Variants in ADCY2 observed in about 807,000 individuals in gnomAD.
ADCY2 encodes the protein adenylate cyclase type 2.
ADCY2 carries 31 observed loss-of-function variants against 125.2 expected under a neutral mutation model. The observed-to-expected ratio is 0.25, with a 90% CI of 0.19 to 0.33. The LOEUF (loss-of-function observed/expected upper bound fraction) is 0.33, where lower values mean the gene tolerates loss of function less well. Among genes scored for constraint, ADCY2 ranks in the 10% least tolerant of loss-of-function variants. The pLI, the probability that ADCY2 is intolerant of heterozygous loss-of-function variation, is 1.00. For synonymous variants in ADCY2, 512 were observed against 548.4 expected (o/e 0.93, Z 0.93); for missense variants, 904 against 1,418.2 (o/e 0.64, Z 5.82).
At chr5:7,671,278 G>A (rs758408422) in intron 4 of ADCY2, among the ~76,000 whole-genome samples, 1 of 152,090 alleles carries the variant, frequency 6.6e-6, no homozygotes, top group Non-Finnish European at 1.5e-5. Flanking sequence ...AAAAAGTTAA[G>A]GTATTTCCCA....
chr5:7,629,084 A>C (rs1200520869), intron 4 of ADCY2, among the ~76,000 whole-genome samples: 1 of 152,222 alleles, frequency 6.6e-6, no homozygotes, highest in Non-Finnish European at 1.5e-5. Context: ...TTCCGGAAGG[A>C]TATGTGTTGA....
intron 3 of ADCY2, among the ~76,000 whole-genome samples, chr5:7,542,848 A>G (rs1036026448): frequency 2.0e-5 from 3 of 152,248 alleles, no homozygotes; most frequent in Non-Finnish European, 4.4e-5. Flanking sequence ...AGCCTTGCCA[A>G]GTGGACACAT....
chr5:7,756,125 C>T (rs1742985038), intron 15 of ADCY2, among the ~76,000 whole-genome samples: 1 of 152,230 alleles, frequency 6.6e-6, no homozygotes, highest in South Asian at 2.1e-4. Context: ...TTACTTCCTG[C>T]TTCTCATATC....
intron 20 of ADCY2, chr5:7,799,933 C>T (rs564385516): frequency 6.6e-6 from 1 of 152,256 alleles, no homozygotes; most frequent in East Asian, 1.9e-4. Context: ...TCTCCAACTC[C>T]CAGACACCCT....
chr5:7,520,868 C>T lies in ADCY2; in HGVS notation c.539C>T (p.Thr180Ile), dbSNP rs1744420921. The T allele has an allele frequency of 6.2e-7, 1 of 1,614,082 alleles. No individual in the cohort carries two copies. The highest frequency in any genetic ancestry group is 8.5e-7 in the Non-Finnish European group (1 of 1,180,058). ...TIVLSVCLSA[T>I]PGGKEHLVWQ... ...GTGCTTAGCGTCTGCCTGTCTGCAA[C>T]ACCGGGAGGCAAGGAGCACCTGGTC... The change falls in exon 3 of 25, where the codon ACA becomes ATA. Residue 180 changes from threonine to isoleucine, a missense_variant. Thr to Ile is a moderately conservative substitution (Grantham distance 89). Transcript: ENST00000338316.
chr5:7,548,902 G>A (rs1735237370), intron 3 of ADCY2, among the ~76,000 whole-genome samples: 1 of 152,216 alleles, frequency 6.6e-6, no homozygotes, highest in Non-Finnish European at 1.5e-5. Context: ...CACTCTGGGA[G>A]GAGAGATAGT....
intron 3 of ADCY2, among the ~76,000 whole-genome samples, chr5:7,532,094 T>C (rs150647539): frequency 1.1e-4 from 16 of 152,330 alleles, no homozygotes; most frequent in African/African-American, 3.8e-4. Flanking sequence ...AAAGCAAAAC[T>C]ACAAAAATTC....
intron 3 of ADCY2, among the ~76,000 whole-genome samples, chr5:7,579,183 G>C (rs7707146): frequency 0.5 from 75,374 of 152,012 alleles, 19,534 homozygotes; most frequent in Non-Finnish European, 0.57. Flanking sequence ...GAAGGCACTG[G>C]AAAGTGGCCC....
At chr5:7,472,974 A>G (rs1017509244) in intron 2 of ADCY2, among the ~76,000 whole-genome samples, 2 of 151,740 alleles carry the variant, frequency 1.3e-5, no homozygotes, top group Non-Finnish European at 2.9e-5. Flanking sequence ...TGCAAGCCCA[A>G]TAGTGGGTCT....
chr5:7,601,471 C>T (rs1737199682), intron 3 of ADCY2, among the ~76,000 whole-genome samples: 1 of 152,152 alleles, frequency 6.6e-6, no homozygotes, highest in African/African-American at 2.4e-5. Context: ...TGTACAGACT[C>T]TAGAAGTTCA....
Position 7,588,485 on chromosome 5 carries a change from C to T in ADCY2, c.571-37682C>T, listed in dbSNP as rs375142215. ...CAGACATGGTATCTAAAAAATGCACCGTCAATTATGGGTTAAGAACCAGTG... is the reference window on the plus strand; with the variant it reads ...CAGACATGGTATCTAAAAAATGCACTGTCAATTATGGGTTAAGAACCAGTG... On this transcript the variant is annotated intron_variant, in intron 3 of 24. Transcript: ENST00000338316. 1.6e-4 allele frequency among the ~76,000 whole-genome samples: 25 copies of T among 151,992 alleles called. 1 individual carries two copies. The highest frequency in any genetic ancestry group is 2.6e-4 in the Admixed American group (4 of 15,246).
At chr5:7,550,241 A>G (rs769322493) in intron 3 of ADCY2, among the ~76,000 whole-genome samples, 2 of 152,176 alleles carry the variant, frequency 1.3e-5, no homozygotes, top group Non-Finnish European at 2.9e-5. Flanking sequence ...TTGATGAAGA[A>G]CTTTTTTTAA....
chr5:7,626,843 T>C (rs1195002602), intron 4 of ADCY2, among the ~76,000 whole-genome samples: 2 of 151,956 alleles, frequency 1.3e-5, no homozygotes, highest in East Asian at 3.9e-4. Flanking sequence ...GGATCAAATT[T>C]CAACATGAGA....
intron 4 of ADCY2, among the ~76,000 whole-genome samples, chr5:7,642,734 C>T (rs1738752148): frequency 6.6e-6 from 1 of 152,042 alleles, no homozygotes; most frequent in Admixed American, 6.6e-5. Context: ...AGATCATGTA[C>T]AAATGAATTC....
At chr5:7,424,667 G>A (rs904656876) in intron 2 of ADCY2, among the ~76,000 whole-genome samples, 1 of 152,160 alleles carries the variant, frequency 6.6e-6, no homozygotes, top group Non-Finnish European at 1.5e-5. Flanking sequence ...TCACTGTTTC[G>A]AATTGCCAGA....
Position 7,522,798 on chromosome 5 carries a change from C to T in ADCY2, c.570+1899C>T, listed in dbSNP as rs563564409. Among the ~76,000 whole-genome samples the T allele has an allele frequency of 8.2e-4, 120 of 145,894 alleles. 1 individual carries two copies. Among genetic ancestry groups the T allele is most frequent in the Admixed American group, 1.3e-3 (19 of 14,512 alleles). On this transcript the variant is annotated intron_variant, in intron 3 of 24. Coordinates refer to ENST00000338316, the MANE Select transcript of ADCY2 (RefSeq NM_020546.3). Reference sequence around the variant, plus strand: ...AAAATTAGCCGGGCGTGGTGGTGGGCGCCTGTAGTCCCAGCTACTCGGGAG... The same window carrying T: ...AAAATTAGCCGGGCGTGGTGGTGGGTGCCTGTAGTCCCAGCTACTCGGGAG...
In ADCY2 at chr5:7,430,778, T is replaced by C. The variant is rs539910523; in HGVS notation, c.408+16008T>C. Among the ~76,000 whole-genome samples the C allele has an allele frequency of 2.0e-5, 3 of 152,108 alleles. No homozygotes were observed. In the South Asian group the frequency reaches 6.2e-4, roughly 31 times the overall value. On this transcript the variant is annotated intron_variant, in intron 2 of 24. Transcript: ENST00000338316. The stretch of plus-strand genomic sequence containing the variant: ...ATCTGTTAGAAATGGAAAAAAACCA[T>C]TTAATATAAACTCAAAAATAGGAAA...
At chr5:7,403,190 C>A (rs1739334298) in intron 1 of ADCY2, among the ~76,000 whole-genome samples, 1 of 151,478 alleles carries the variant, frequency 6.6e-6, no homozygotes, top group South Asian at 2.1e-4. Context: ...AAAAAAAGAG[C>A]AAATAATTAA....
chr5:7,731,004 C>T (rs1425658763), intron 14 of ADCY2, among the ~76,000 whole-genome samples: 3 of 152,100 alleles, frequency 2.0e-5, no homozygotes, highest in Non-Finnish European at 4.4e-5. Context: ...CTATTCTTTC[C>T]TCTGGAGTTC....
Sources: allele counts gnomAD v4.1 joint callset (sites outside exome capture counted in the v4.1 genomes callset), GRCh38; gene constraint gnomAD v4.1.1; transcripts MANE v1.5; gene names NCBI Gene and HGNC (gene_info 2026-07-23, HGNC 2026-07-21).